The following KCNJ6 variants were observed in gnomAD, a reference collection of about 807,000 sequenced individuals.
KCNJ6 encodes potassium inwardly rectifying channel subfamily J member 6.
KCNJ6 carries 9 observed loss-of-function variants against 34.2 expected under a neutral mutation model. That is an observed-to-expected ratio of 0.26 (90% confidence interval 0.16 to 0.46). KCNJ6 has a LOEUF of 0.46. Ranked by LOEUF, KCNJ6 falls within the 20% of genes least tolerant of loss-of-function variation. KCNJ6 has a pLI of 1.00. For missense variants in KCNJ6, 236 were observed against 531.3 expected (o/e 0.44, Z 5.46); for synonymous variants, 196 against 207.1 (o/e 0.95, Z 0.46).
chr21:37,679,328 T>A (rs917932399), intron 3 of KCNJ6, among the ~76,000 whole-genome samples: 3 of 152,226 alleles, frequency 2.0e-5, no homozygotes, highest in Admixed American at 2.0e-4. Flanking sequence ...GGGTAAATTG[T>A]ACAGCAAGAG....
At chr21:37,757,892 CTAAT>C (rs1393131148) in intron 2 of KCNJ6, among the ~76,000 whole-genome samples, 4 of 152,236 alleles carry the variant, frequency 2.6e-5, no homozygotes, top group South Asian at 2.1e-4. Flanking sequence ...CAAATGATTC[CTAAT>C]TAATACAACA....
intron 3 of KCNJ6, among the ~76,000 whole-genome samples, chr21:37,687,535 A>G (rs1317189963): frequency 1.3e-5 from 2 of 152,158 alleles, no homozygotes; most frequent in African/African-American, 4.8e-5. Context: ...TTTCTCATAA[A>G]GGATTCCAGA....
At chr21:37,656,694 A>G (rs1206995590) in intron 3 of KCNJ6, among the ~76,000 whole-genome samples, 1 of 152,108 alleles carries the variant, frequency 6.6e-6, no homozygotes, top group African/African-American at 2.4e-5. Flanking sequence ...CGGTGGCTGG[A>G]GATCAGACCC....
At chr21:37,626,881 T>G (rs751499378) in intron 3 of KCNJ6, among the ~76,000 whole-genome samples, 9 of 152,116 alleles carry the variant, frequency 5.9e-5, no homozygotes, top group Non-Finnish European at 1.2e-4. Context: ...AAATATAACT[T>G]AAAACATTTT....
At chr21:37,859,537 C>A (rs1218172160) in intron 1 of KCNJ6, among the ~76,000 whole-genome samples, 5 of 87,878 alleles carry the variant, frequency 5.7e-5, no homozygotes, top group African/African-American at 1.1e-4. Context: ...ATATAAAATA[C>A]TTAAAAAGCT....
chr21:37,645,016 G>A (rs2054397288), intron 3 of KCNJ6, among the ~76,000 whole-genome samples: 1 of 98,094 alleles, frequency 1.0e-5, no homozygotes, highest in African/African-American at 3.9e-5. Context: ...AAAACAGGTG[G>A]GTTTTTTTTT....
intron 3 of KCNJ6, among the ~76,000 whole-genome samples, chr21:37,645,964 G>GA (rs11377859): frequency 1 from 152,192 of 152,212 alleles, 76,086 homozygotes; most frequent in Non-Finnish European, 1. Context: ...CTCTGTTAAG[G>GA]ACTCTCACCC....
At chr21:37,702,994 T>A (rs994217778) in intron 3 of KCNJ6, among the ~76,000 whole-genome samples, 10 of 151,914 alleles carry the variant, frequency 6.6e-5, no homozygotes, top group Non-Finnish European at 1.3e-4. Context: ...CCATTTGAGA[T>A]GGGAAGTAAG....
At chr21:37,715,179 C>G in intron 2 of KCNJ6, 48 bp from the exon 3 acceptor site, 1 of 1,507,126 alleles carries the variant, frequency 6.6e-7, no homozygotes, top group Non-Finnish European at 9.0e-7. Flanking sequence ...AAGGCTGGCT[C>G]TTTGAGGACA....
At position 37,714,839 on chromosome 21, in the gene KCNJ6, A is replaced by G. The variant is rs2054781182; in HGVS notation, c.318T>C (p.Phe106=). ...CGATCAACCACCAGATCATTCCAAA[A>G]AAGAGCCAGGTCACTGTGTAAACCA... The part of the protein sequence containing the change: ...FVMVYTVTWL[F]FGMIWWLIAY... Residue 106 remains phenylalanine (F), a synonymous_variant, in exon 3 of 4, where the codon TTT becomes TTC. Coordinates refer to ENST00000609713, the MANE Select transcript of KCNJ6 (RefSeq NM_002240.5). This position sits in a 1 kb window ranked among gnomAD's most constrained non-coding sequence, Gnocchi z 5.9. 1.3e-5 allele frequency: 21 copies of G among 1,614,260 alleles called. No homozygotes were observed. Among genetic ancestry groups the G allele is most frequent in the Non-Finnish European group, 1.8e-5 (21 of 1,180,042 alleles).
At chr21:37,861,012 T>A (rs1395743484) in intron 1 of KCNJ6, among the ~76,000 whole-genome samples, 1 of 152,188 alleles carries the variant, frequency 6.6e-6, no homozygotes, top group Non-Finnish European at 1.5e-5. Flanking sequence ...ATAGGGATAA[T>A]GTTATACATA....
intron 3 of KCNJ6, among the ~76,000 whole-genome samples, chr21:37,640,661 G>C (rs546234193): frequency 6.6e-6 from 1 of 152,196 alleles, no homozygotes; most frequent in Non-Finnish European, 1.5e-5. Context: ...TCCTATTGAT[G>C]TCAGGGTTTA....
At chr21:37,648,219 G>A (rs2054414666) in intron 3 of KCNJ6, among the ~76,000 whole-genome samples, 1 of 152,216 alleles carries the variant, frequency 6.6e-6, no homozygotes, top group African/African-American at 2.4e-5. Flanking sequence ...TGCCCCTGAG[G>A]GCATAGGCTG....
chr21:37,769,267 G>T (rs1465046293), intron 2 of KCNJ6, among the ~76,000 whole-genome samples: 1 of 152,042 alleles, frequency 6.6e-6, no homozygotes, highest in Non-Finnish European at 1.5e-5. Flanking sequence ...ACATGGAAAA[G>T]GTGGCTAATG....
intron 2 of KCNJ6, among the ~76,000 whole-genome samples, chr21:37,825,444 A>G (rs1388907319): frequency 6.6e-6 from 1 of 152,148 alleles, no homozygotes; most frequent in African/African-American, 2.4e-5. Context: ...ATGTTATCCT[A>G]TGGATAACTG....
At chr21:37,848,218 G>A (rs1220508859) in intron 1 of KCNJ6, among the ~76,000 whole-genome samples, 1 of 152,204 alleles carries the variant, frequency 6.6e-6, no homozygotes, top group East Asian at 1.9e-4. Flanking sequence ...GAGATGTGGA[G>A]GCAAAACCCA....
Position 37,661,881 on chromosome 21 carries a change from G to C in KCNJ6, c.947-36397C>G, listed in dbSNP as rs1364969946. On this transcript the variant is annotated intron_variant, in intron 3 of 3. Transcript: ENST00000609713. ...CTGACCTCGTGATCTGCCTGCCTCG[G>C]CCTCCCAAAGTGCTGAGATTACAGG... Among the ~76,000 whole-genome samples, 4 of 151,690 alleles carry C rather than the reference G, an allele frequency of 2.6e-5. No individual in the cohort carries two copies. The East Asian group carries it at 7.8e-4, about 29-fold the overall frequency.
intron 3 of KCNJ6, among the ~76,000 whole-genome samples, chr21:37,683,108 C>T (rs916068613): frequency 1.3e-5 from 2 of 152,216 alleles, no homozygotes; most frequent in Non-Finnish European, 2.9e-5. Flanking sequence ...AAAAATATGT[C>T]CTCTGAATCA....
intron 1 of KCNJ6, among the ~76,000 whole-genome samples, chr21:37,865,307 C>A (rs2055617136): frequency 6.6e-6 from 1 of 152,172 alleles, no homozygotes; most frequent in South Asian, 2.1e-4. Flanking sequence ...CAGAAGTTAC[C>A]ATTATACAGA....
Sources: allele counts gnomAD v4.1 joint callset (sites outside exome capture counted in the v4.1 genomes callset), GRCh38; gene constraint gnomAD v4.1.1; non-coding constraint Gnocchi (gnomAD v3.1); transcripts MANE v1.5; gene names NCBI Gene and HGNC (gene_info 2026-07-23, HGNC 2026-07-21).